CNTN4: variants seen among roughly 807,000 people sequenced by gnomAD.
CNTN4 encodes the protein contactin-4.
In CNTN4, 77 loss-of-function variants were observed where a neutral mutation model predicts 122.5. The observed-to-expected ratio is 0.63, with a 90% CI of 0.52 to 0.76. CNTN4 has a LOEUF of 0.76. CNTN4 is among the 30% of genes least tolerant of loss of function. The pLI is 0.00. For missense variants in CNTN4, 1,256 were observed against 1,259.1 expected, an observed-to-expected ratio of 1.00 and a Z score of 0.04; for synonymous variants, 512 against 447.0, an observed-to-expected ratio of 1.15 and a Z score of -1.83.
chr3:2,219,449 G>A (rs2038975041), intron 2 of CNTN4, among the ~76,000 whole-genome samples: 1 of 152,072 alleles, frequency 6.6e-6, no homozygotes, highest in Non-Finnish European at 1.5e-5. Flanking sequence ...CAGAAAGGCA[G>A]ATCTACCATT....
At chr3:2,320,279 A>C (rs1348360069) in intron 2 of CNTN4, among the ~76,000 whole-genome samples, 2 of 152,210 alleles carry the variant, frequency 1.3e-5, no homozygotes, top group Non-Finnish European at 2.9e-5. Flanking sequence ...TAGATGTGTT[A>C]ATGTTATATA....
intron 3 of CNTN4, among the ~76,000 whole-genome samples, chr3:2,364,706 T>C (rs976834360): frequency 6.6e-6 from 1 of 152,156 alleles, no homozygotes; most frequent in African/African-American, 2.4e-5. Flanking sequence ...AAAAAAATTA[T>C]ATCAAATGTG....
At chr3:2,751,750 A>G (rs1253039725) in intron 6 of CNTN4, among the ~76,000 whole-genome samples, 1 of 152,058 alleles carries the variant, frequency 6.6e-6, no homozygotes, top group Admixed American at 6.6e-5. Flanking sequence ...CACTCAACAC[A>G]GCAACTTTTC....
At chr3:2,189,833 C>G (rs974040604) in intron 2 of CNTN4, among the ~76,000 whole-genome samples, 3 of 152,192 alleles carry the variant, frequency 2.0e-5, no homozygotes, top group Admixed American at 2.0e-4. Flanking sequence ...AGGTTACTCT[C>G]TCGTCAGTAG....
chr3:2,262,630 T>TG (rs2040881110), intron 2 of CNTN4, among the ~76,000 whole-genome samples: 1 of 1,362 alleles, frequency 7.3e-4, no homozygotes, highest in Non-Finnish European at 3.4e-3. Flanking sequence ...CTGTTCCGTG[T>TG]TTTTTTTTTT....
chr3:2,992,234 C>A (rs1390410468), intron 14 of CNTN4, among the ~76,000 whole-genome samples: 1 of 152,204 alleles, frequency 6.6e-6, no homozygotes, highest in Non-Finnish European at 1.5e-5. Context: ...AGAATTCTGA[C>A]AGGTGCCCAG....
chr3:2,695,805 T>G (rs1026290302), intron 4 of CNTN4, among the ~76,000 whole-genome samples: 1 of 152,246 alleles, frequency 6.6e-6, no homozygotes, highest in Non-Finnish European at 1.5e-5. Context: ...GGAAAGAATT[T>G]TAGAAGTGTC....
chr3:2,995,251 C>T (rs1253083773), intron 14 of CNTN4, among the ~76,000 whole-genome samples: 3 of 152,140 alleles, frequency 2.0e-5, no homozygotes, highest in Non-Finnish European at 4.4e-5. Flanking sequence ...GTTCACAAAG[C>T]GTGTGACATA....
At chr3:2,186,299 A>G (rs1279066450) in intron 2 of CNTN4, among the ~76,000 whole-genome samples, 2 of 152,084 alleles carry the variant, frequency 1.3e-5, no homozygotes, top group East Asian at 3.9e-4. Flanking sequence ...CATGGTGTAT[A>G]TGTGCCACAT....
At chr3:2,282,664 T>G (rs2041761382) in intron 2 of CNTN4, among the ~76,000 whole-genome samples, 1 of 152,148 alleles carries the variant, frequency 6.6e-6, no homozygotes, top group Non-Finnish European at 1.5e-5. Flanking sequence ...TCATCAGAAT[T>G]AAAAACATAC....
intron 7 of CNTN4, among the ~76,000 whole-genome samples, chr3:2,822,076 G>A (rs1018112015): frequency 9.9e-5 from 15 of 152,164 alleles, no homozygotes; most frequent in African/African-American, 3.6e-4. Flanking sequence ...CTCTATGTCT[G>A]GATCAGGGAC....
chr3:2,765,952 G>A (rs1444086604), intron 6 of CNTN4, among the ~76,000 whole-genome samples: 1 of 152,166 alleles, frequency 6.6e-6, no homozygotes, highest in African/African-American at 2.4e-5. Flanking sequence ...CATGAACTTA[G>A]GGATTTGGGC....
At chr3:2,925,810 T>C (rs2094468066) in intron 13 of CNTN4, 31 bp downstream of exon 13, 1 of 1,581,036 alleles carries the variant, frequency 6.3e-7, no homozygotes, top group Non-Finnish European at 8.7e-7. Flanking sequence ...CAATATTTGG[T>C]TAACCTGTAA....
chr3:2,915,365 C>A (rs956017977), intron 12 of CNTN4, among the ~76,000 whole-genome samples: 3 of 152,314 alleles, frequency 2.0e-5, no homozygotes, highest in Admixed American at 2.0e-4. Flanking sequence ...TGTGCCTGCC[C>A]TAATTCAATA....
intron 4 of CNTN4, among the ~76,000 whole-genome samples, chr3:2,732,177 G>A (rs1283196580): frequency 6.6e-6 from 1 of 152,158 alleles, no homozygotes; most frequent in Non-Finnish European, 1.5e-5. Flanking sequence ...ACCGGTGTTG[G>A]CCGATGTTCT....
At chr3:2,878,692 A>G (rs893052985) in intron 8 of CNTN4, among the ~76,000 whole-genome samples, 9 of 152,090 alleles carry the variant, frequency 5.9e-5, no homozygotes, top group African/African-American at 2.2e-4. Flanking sequence ...GTTTTATGTC[A>G]GTAGTTACTC....
In CNTN4 at chr3:2,741,450, T is replaced by A. The variant is rs534688318; in HGVS notation, c.183-4072T>A. Among the ~76,000 whole-genome samples the A allele has an allele frequency of 1.1e-4, 16 of 152,304 alleles. No individual in the cohort carries two copies. In the South Asian group the frequency reaches 3.3e-3, roughly 32 times the overall value. On this transcript the variant is annotated intron_variant, in intron 5 of 24. Transcript: ENST00000418658. ...AACAACTCTCTAATGGACCATATAA[T>A]TAGGGTGAACATGTAATTTATCATC...
chr3:2,759,991 A>G (rs1031243539), intron 6 of CNTN4, among the ~76,000 whole-genome samples: 1 of 152,044 alleles, frequency 6.6e-6, no homozygotes, highest in Non-Finnish European at 1.5e-5. Flanking sequence ...AGACACTTCT[A>G]TTCAAATCCT....
chr3:2,207,203 C>T (rs958159489), intron 2 of CNTN4, among the ~76,000 whole-genome samples: 1 of 151,956 alleles, frequency 6.6e-6, no homozygotes, highest in Non-Finnish European at 1.5e-5. Flanking sequence ...CTTAGGACCT[C>T]CCTATTCTCT....
Sources: gnomAD v4.1 joint callset for allele counts (sites outside exome capture counted in the v4.1 genomes callset) on GRCh38, gnomAD v4.1.1 for gene constraint, MANE v1.5 for transcripts, NCBI Gene and HGNC (gene_info 2026-07-23, HGNC 2026-07-21) for gene names.